MAMSTR: variants seen among roughly 807,000 people sequenced by gnomAD.
The protein encoded by MAMSTR is MEF2 activating motif and SAP domain containing transcriptional regulator, also known as MEF2-activating motif and SAP domain-containing transcriptional regulator.
In MAMSTR, 41 loss-of-function variants were observed where a neutral mutation model predicts 42.7. That is an observed-to-expected ratio of 0.96 (90% CI 0.75 to 1.25). The LOEUF (loss-of-function observed/expected upper bound fraction) is 1.25, where lower values mean the gene tolerates loss of function less well. MAMSTR is among the 50% of genes most tolerant of loss of function. The probability of loss-of-function intolerance (pLI) is 0.00; values close to 1 mark genes in which losing one functional copy is unlikely to be tolerated. For synonymous variants in MAMSTR, 265 were observed against 244.1 expected (o/e 1.09, Z -0.80); for missense variants, 567 against 557.6 (o/e 1.02, Z -0.17).
downstream of MAMSTR, among the ~76,000 whole-genome samples, chr19:48,707,767 AAG>A (rs928574957): frequency 6.7e-6 from 1 of 149,488 alleles, no homozygotes; most frequent in Non-Finnish European, 1.5e-5. Flanking sequence ...AGAGAAAGAA[AAG>A]AGAAAGAAAG....
Position 48,719,021 on chromosome 19 carries a change from G to T in MAMSTR, c.11C>A (p.Ala4Glu), listed in dbSNP as rs573764910. 3.9e-6 allele frequency: 6 copies of T among 1,550,264 alleles called. No individual in the cohort carries two copies. The African/African-American group carries it at 6.8e-5, about 18-fold the overall frequency. The change falls in exon 2 of 10, where the codon GCG becomes GAG. Residue 4 changes from alanine to glutamate, a missense_variant. By Grantham distance (107) the Ala-to-Glu change is moderately radical (BLOSUM62 -1). Transcript: ENST00000318083. This position sits in a 1 kb window ranked among gnomAD's most constrained non-coding sequence, Gnocchi z 4.4. The stretch of plus-strand genomic sequence containing the variant: ...GATTTGGGAACGCTGGGAGGAAGCC[G>T]CCAGGGTCATTGCCAAGGCCGGGAT... MTL[A>E]ASSQRSQIIR...
chr19:48,718,753 G>T (rs2033145198), intron 2 of MAMSTR, among the ~76,000 whole-genome samples: 1 of 151,846 alleles, frequency 6.6e-6, no homozygotes, highest in African/African-American at 2.4e-5. Context: ...CCTACCCCTG[G>T]CCTCCAATCC....
downstream of MAMSTR, among the ~76,000 whole-genome samples, chr19:48,707,870 AGAAAGAAAGAAAGAAAG>A (rs1258221253): frequency 5.9e-4 from 67 of 114,492 alleles, no homozygotes; most frequent in African/African-American, 2.2e-3. Context: ...AAAGAAAGAA[AGAAAGAAAGAAAGAAAG>A]AAAAGAAAGA....
chr19:48,718,827 A>G (rs1601259015), intron 2 of MAMSTR, 147 bp downstream of exon 2: 1 of 748,952 alleles, frequency 1.3e-6, no homozygotes, highest in Non-Finnish European at 2.2e-6. Context: ...CCACAGCCGG[A>G]CCCCTGTGCT....
intron 2 of MAMSTR, among the ~76,000 whole-genome samples, chr19:48,718,724 T>G (rs1264017171): frequency 6.6e-6 from 1 of 152,148 alleles, no homozygotes; most frequent in African/African-American, 2.4e-5. Context: ...TTCTCTTCAG[T>G]GCTTGAGCCC....
intron 2 of MAMSTR, among the ~76,000 whole-genome samples, chr19:48,717,925 G>A (rs1316603329): frequency 3.9e-5 from 6 of 151,958 alleles, no homozygotes; most frequent in Non-Finnish European, 7.4e-5. Context: ...GGCTGGTCTC[G>A]AACTCCTGAG....
intron 3 of MAMSTR, 160 bp from the exon 4 acceptor site, chr19:48,715,927 G>A (rs1016747930): frequency 1.4e-6 from 2 of 1,421,490 alleles, no homozygotes; most frequent in Non-Finnish European, 1.8e-6. Context: ...TCTGAGGGCG[G>A]AGGTGTGGGG....
intron 7 of MAMSTR, 148 bp downstream of exon 7, chr19:48,714,216 CCT>C (rs1202811593): frequency 1.3e-5 from 13 of 977,242 alleles, no homozygotes; most frequent in African/African-American, 1.7e-5. Context: ...AGATCCGCCC[CCT>C]GTTAGTCTGA....
chr19:48,718,965 C>T lies in MAMSTR; in HGVS notation c.58+9G>A. 6.4e-7 allele frequency: 1 copy of T among 1,550,740 alleles called. No homozygotes were observed. Among genetic ancestry groups the T allele is most frequent in the Middle Eastern group, 1.7e-4 (1 of 5,990 alleles). On this transcript the variant is annotated intron_variant, in intron 2 of 9. Coordinates refer to ENST00000318083, the MANE Select transcript of MAMSTR (RefSeq NM_001130915.2). Reference sequence around the variant, plus strand: ...CCATCCCCCACGCATAAAGAGAGCCCTCTCTCACCAGATCGGAACTTGGAG... The same window carrying T: ...CCATCCCCCACGCATAAAGAGAGCCTTCTCTCACCAGATCGGAACTTGGAG...
chr19:48,709,273 C>T (rs1294391811), downstream of MAMSTR, among the ~76,000 whole-genome samples: 1 of 152,112 alleles, frequency 6.6e-6, no homozygotes, highest in Non-Finnish European at 1.5e-5. Flanking sequence ...CTCAGCCTCC[C>T]GAGTAGCTGG....
rs1219619788 is a variant in MAMSTR at position 48,719,248 on chromosome 19, G to A, written c.-21-196C>T. ...GCACACCCGGACACCTTGCTCCGAG[G>A]AAGGAGGAAGCTGGGGACCCAGACA... On this transcript the variant is annotated intron_variant, in intron 1 of 9. Transcript: ENST00000318083. This position sits in a 1 kb window ranked among gnomAD's most constrained non-coding sequence, Gnocchi z 4.4. 1.3e-5 allele frequency among the ~76,000 whole-genome samples: 2 copies of A among 152,156 alleles called. No individual in the cohort carries two copies. The highest frequency in any genetic ancestry group is 2.9e-5 in the Non-Finnish European group (2 of 68,020).
At chr19:48,706,286 CAA>C in the MAMSTR span, among the ~76,000 whole-genome samples, 62,892 of 129,684 alleles carry the variant, frequency 0.48, 14,614 homozygotes, top group Middle Eastern at 0.63. Context: ...GACTCCATCT[CAA>C]AAAAAAAAAA....
At chr19:48,714,150 GC>G (rs1396024874) in intron 7 of MAMSTR, 105 bp from the exon 8 acceptor site, 1 of 1,275,100 alleles carries the variant, frequency 7.8e-7, no homozygotes, top group Non-Finnish European at 1.1e-6. Flanking sequence ...GCGACCCCTC[GC>G]TCATCAACCC....
chr19:48,714,841 A>C lies in MAMSTR; in HGVS notation c.493T>G (p.Leu165Val), dbSNP rs2032929042. 15 of 1,610,888 alleles carry C rather than the reference A, an allele frequency of 9.3e-6. No individual in the cohort carries two copies. Among genetic ancestry groups the C allele is most frequent in the African/African-American group, 1.3e-5 (1 of 74,540 alleles). ...VPSPSPPPHK[L>V]ELQTLKLEEL... ...TCCAGTTTAAGGGTCTGAAGTTCCAACTTGTGTGGGGGGGGCGAGGGGCTA... is the reference window on the plus strand; with the variant it reads ...TCCAGTTTAAGGGTCTGAAGTTCCACCTTGTGTGGGGGGGGCGAGGGGCTA... Residue 165 changes from leucine to valine, a missense_variant, in exon 6 of 10, where the codon TTG (leucine) becomes GTG (valine). Physicochemically the swap from Leu to Val is conservative, Grantham distance 32. Coordinates refer to ENST00000318083, the MANE Select transcript of MAMSTR (RefSeq NM_001130915.2).
At position 48,719,186 on chromosome 19, in the gene MAMSTR, T is replaced by G. The variant is rs2033163282; in HGVS notation, c.-21-134A>C. The G allele has an allele frequency of 1.6e-6, 1 of 636,028 alleles. No individual in the cohort carries two copies. The highest frequency in any genetic ancestry group is 2.8e-5 in the East Asian group (1 of 35,148). 39.4% of individuals were successfully genotyped at this position (636,028 alleles called of 1,614,324 possible). Reference sequence around the variant, plus strand: ...TGGGAATAGGAGCAGCCTTGGGCCATAACTTCCGGATCCCAGGGGCTGTAG... The same window carrying G: ...TGGGAATAGGAGCAGCCTTGGGCCAGAACTTCCGGATCCCAGGGGCTGTAG... On this transcript the variant is annotated intron_variant, in intron 1 of 9. Coordinates refer to ENST00000318083, the MANE Select transcript of MAMSTR (RefSeq NM_001130915.2). The surrounding 1 kb of genome is among the most constrained non-coding windows in gnomAD (Gnocchi z 4.4).
intron 7 of MAMSTR, 136 bp downstream of exon 7, chr19:48,714,230 C>A: frequency 1.0e-6 from 1 of 997,396 alleles, no homozygotes; most frequent in Non-Finnish European, 1.4e-6. Context: ...TTAGTCTGAA[C>A]CACGTCCCCT....
Position 48,716,569 on chromosome 19 carries a change from A to G in MAMSTR, c.97+136T>C, listed in dbSNP as rs959360970. On this transcript the variant is annotated intron_variant, in intron 3 of 9. Coordinates refer to ENST00000318083, the MANE Select transcript of MAMSTR (RefSeq NM_001130915.2). ...CCCTGGATCCTTGGGAAAGGACAGG[A>G]TGGGATTTTGGTCTGTCCCAGGGGA... The G allele has an allele frequency of 1.6e-5, 16 of 987,800 alleles. No individual in the cohort carries two copies. In the African/African-American group the frequency reaches 1.9e-4, roughly 11 times the overall value. 61.2% of individuals were successfully genotyped at this position (987,800 alleles called of 1,614,324 possible). A position where few individuals can be genotyped will look rare whatever the true frequency, so the allele number is the denominator to read the frequency against.
intron 2 of MAMSTR, chr19:48,717,055 G>C: frequency 1.0e-6 from 1 of 983,128 alleles, no homozygotes; most frequent in Non-Finnish European, 1.2e-6. Flanking sequence ...CCCACCCCCT[G>C]CGCAATCGCT....
At chr19:48,709,846 T>A (rs952194422), downstream of MAMSTR, among the ~76,000 whole-genome samples, 4 of 152,102 alleles carry the variant, frequency 2.6e-5, no homozygotes, top group African/African-American at 9.7e-5. Context: ...CCTCTTCTGG[T>A]CTTTTTTGTT....
Sources: gnomAD v4.1 joint callset for allele counts (sites outside exome capture counted in the v4.1 genomes callset) on GRCh38, gnomAD v4.1.1 for gene constraint, Gnocchi (gnomAD v3.1) non-coding constraint, MANE v1.5 for transcripts, NCBI Gene and HGNC (gene_info 2026-07-23, HGNC 2026-07-21) for gene names.